The following TRABD2B variants were observed in gnomAD, a reference collection of about 807,000 sequenced individuals.
The protein encoded by TRABD2B is TraB domain containing 2B.
In TRABD2B, 14 loss-of-function variants were observed where a neutral mutation model predicts 40.1. The observed-to-expected ratio is 0.35, with a 90% CI of 0.23 to 0.55. The LOEUF is 0.55. Ranked by LOEUF, TRABD2B falls within the 20% of genes least tolerant of loss-of-function variation. The pLI is 0.90. For synonymous variants in TRABD2B, 263 were observed against 277.0 expected (o/e 0.95, Z 0.50); for missense variants, 541 against 648.6 (o/e 0.83, Z 1.80).
At chr1:47,771,586 T>A (rs542150976) in intron 6 of TRABD2B, among the ~76,000 whole-genome samples, 1 of 152,312 alleles carries the variant, frequency 6.6e-6, no homozygotes, top group South Asian at 2.1e-4. Context: ...AGGCCCTAAC[T>A]GCACAAAAGG....
chr1:47,826,773 A>G lies in TRABD2B; in HGVS notation c.667-25154T>C, dbSNP rs111939544. 3.3e-3 allele frequency among the ~76,000 whole-genome samples: 495 copies of G among 152,186 alleles called. 7 individuals are homozygous for G. Among genetic ancestry groups the G allele is most frequent in the African/African-American group, 0.011 (461 of 41,522 alleles). Reference sequence around the variant, plus strand: ...TTTTTAGTGGAGACGTGATCTTGTTATGTTGCCCAGGCTGGTCTCAAACTC... The same window carrying G: ...TTTTTAGTGGAGACGTGATCTTGTTGTGTTGCCCAGGCTGGTCTCAAACTC... On this transcript the variant is annotated intron_variant, in intron 2 of 6. Coordinates refer to ENST00000606738, the MANE Select transcript of TRABD2B (RefSeq NM_001194986.2).
At chr1:47,926,014 T>C (rs1426458545) in intron 2 of TRABD2B, among the ~76,000 whole-genome samples, 1 of 152,220 alleles carries the variant, frequency 6.6e-6, no homozygotes, top group Non-Finnish European at 1.5e-5. Context: ...GTGATGCAAA[T>C]GTTATAATCA....
At chr1:47,959,644 C>G (rs1003368230) in intron 2 of TRABD2B, among the ~76,000 whole-genome samples, 12 of 152,274 alleles carry the variant, frequency 7.9e-5, no homozygotes, top group Non-Finnish European at 1.8e-4. Context: ...CACATACACC[C>G]TCCCAAGACT....
In TRABD2B at chr1:47,933,107, ATTT is replaced by A. The variant is rs35311752; in HGVS notation, c.666+60924_666+60926del. Among the ~76,000 whole-genome samples the A allele has an allele frequency of 5.0e-3, 705 of 140,340 alleles. 1 individual carries two copies. Among genetic ancestry groups the A allele is most frequent in the Admixed American group, 7.6e-3 (107 of 14,138 alleles). 92.1% of individuals were successfully genotyped at this position (140,340 alleles called of 152,430 possible). A position where few individuals can be genotyped will look rare whatever the true frequency, so the allele number is the denominator to read the frequency against. Reference sequence around the variant, plus strand: ...CCTCCGTGAGCCCCCATCTCCTGTCATTTTTTTTTTTTTTTTGAGACGCAGTCT... The same window carrying A: ...CCTCCGTGAGCCCCCATCTCCTGTCATTTTTTTTTTTTTGAGACGCAGTCT... On this transcript the variant is annotated intron_variant, in intron 2 of 6. Coordinates refer to ENST00000606738, the MANE Select transcript of TRABD2B (RefSeq NM_001194986.2).
intron 2 of TRABD2B, among the ~76,000 whole-genome samples, chr1:47,929,306 G>C (rs913521970): frequency 3.9e-5 from 6 of 152,094 alleles, no homozygotes; most frequent in Admixed American, 6.5e-5. Flanking sequence ...GCCTCTCCCT[G>C]GTCCTCTGGA....
intron 2 of TRABD2B, among the ~76,000 whole-genome samples, chr1:47,837,339 C>A (rs1645332770): frequency 6.6e-6 from 1 of 152,166 alleles, no homozygotes; most frequent in Non-Finnish European, 1.5e-5. Context: ...GGGTTCTTGG[C>A]CCTGACAGAT....
At chr1:47,909,566 A>T (rs1411769641) in intron 2 of TRABD2B, among the ~76,000 whole-genome samples, 1 of 20,190 alleles carries the variant, frequency 5.0e-5, no homozygotes, top group Non-Finnish European at 1.7e-4. Flanking sequence ...AAGAAGGAGG[A>T]GGAGGAGGAG....
chr1:47,853,336 C>A (rs1012632302), intron 2 of TRABD2B, among the ~76,000 whole-genome samples: 5 of 152,202 alleles, frequency 3.3e-5, no homozygotes, highest in African/African-American at 1.2e-4. Context: ...TTTGCTGGTA[C>A]ATATTGGGTC....
At chr1:47,961,756 CT>C (rs904765682) in intron 2 of TRABD2B, among the ~76,000 whole-genome samples, 2 of 152,210 alleles carry the variant, frequency 1.3e-5, no homozygotes, top group Non-Finnish European at 2.9e-5. Flanking sequence ...CACTTTTACA[CT>C]GTTGGTGGGA....
At chr1:47,935,373 C>T (rs987577311) in intron 2 of TRABD2B, among the ~76,000 whole-genome samples, 5 of 152,176 alleles carry the variant, frequency 3.3e-5, no homozygotes, top group African/African-American at 7.2e-5. Context: ...AAGCCTTACA[C>T]CACATGTGTT....
intron 2 of TRABD2B, among the ~76,000 whole-genome samples, chr1:47,973,441 T>C (rs991147649): frequency 3.9e-5 from 6 of 152,228 alleles, no homozygotes; most frequent in Non-Finnish European, 8.8e-5. Context: ...ACTAACAATG[T>C]TGCCAACAAA....
In TRABD2B at chr1:47,873,255, A is replaced by G. The variant is rs184168015; in HGVS notation, c.667-71636T>C. Among the ~76,000 whole-genome samples, 207 of 152,278 alleles carry G rather than the reference A, an allele frequency of 1.4e-3. 1 individual carries two copies. Among genetic ancestry groups the G allele is most frequent in the African/African-American group, 4.8e-3 (200 of 41,562 alleles). On this transcript the variant is annotated intron_variant, in intron 2 of 6. Coordinates refer to ENST00000606738, the MANE Select transcript of TRABD2B (RefSeq NM_001194986.2). ...ACATGTGAATTTTGGGGGGATAGAA[A>G]CATCTGGACCATAGCACCTCCCATG...
At chr1:47,808,800 C>A (rs1266009126) in intron 2 of TRABD2B, among the ~76,000 whole-genome samples, 2 of 152,084 alleles carry the variant, frequency 1.3e-5, no homozygotes, top group Non-Finnish European at 2.9e-5. Context: ...TCCTGGCCCA[C>A]CAAGCCACCT....
chr1:47,906,186 A>G (rs1644674945), intron 2 of TRABD2B, among the ~76,000 whole-genome samples: 1 of 152,184 alleles, frequency 6.6e-6, no homozygotes, highest in Non-Finnish European at 1.5e-5. Flanking sequence ...GAAAAACACT[A>G]TTGGCTACAT....
At chr1:47,905,968 T>C (rs537594555) in intron 2 of TRABD2B, among the ~76,000 whole-genome samples, 1 of 152,308 alleles carries the variant, frequency 6.6e-6, no homozygotes, top group African/African-American at 2.4e-5. Context: ...GCACTCCACA[T>C]TACTCCTGGG....
intron 2 of TRABD2B, among the ~76,000 whole-genome samples, chr1:47,856,410 T>C (rs1159476611): frequency 6.6e-6 from 1 of 152,212 alleles, no homozygotes; most frequent in African/African-American, 2.4e-5. Flanking sequence ...AATGTGTGTG[T>C]GAATAATGAA....
intron 2 of TRABD2B, among the ~76,000 whole-genome samples, chr1:47,812,041 C>T (rs1000622913): frequency 1.3e-5 from 2 of 152,212 alleles, no homozygotes; most frequent in African/African-American, 4.8e-5. Flanking sequence ...CCTTGTTCCC[C>T]AGTGATGGGG....
intron 2 of TRABD2B, among the ~76,000 whole-genome samples, chr1:47,815,996 T>C (rs1645027583): frequency 1.3e-5 from 2 of 152,168 alleles, no homozygotes; most frequent in African/African-American, 4.8e-5. Flanking sequence ...AGACTGAGAT[T>C]AATGGGACTT....
chr1:47,840,618 T>C (rs997591218), intron 2 of TRABD2B, among the ~76,000 whole-genome samples: 4 of 152,166 alleles, frequency 2.6e-5, no homozygotes, highest in Admixed American at 1.3e-4. Context: ...GGCTGCTTCA[T>C]ACCTGTTGAT....
Sources: allele counts gnomAD v4.1 joint callset (sites outside exome capture counted in the v4.1 genomes callset), GRCh38; gene constraint gnomAD v4.1.1; transcripts MANE v1.5; gene names NCBI Gene and HGNC (gene_info 2026-07-23, HGNC 2026-07-21).